The following POU2F2 variants were observed in gnomAD, a reference collection of about 807,000 sequenced individuals.
POU2F2 encodes POU class 2 homeobox 2.
A neutral mutation model predicts 63.5 loss-of-function variants in POU2F2; 14 were observed. The observed-to-expected ratio is 0.22, with a 90% CI of 0.15 to 0.34. The LOEUF is 0.34. Ranked by LOEUF, POU2F2 falls within the 10% of genes least tolerant of loss-of-function variation. The pLI is 1.00. For missense variants in POU2F2, 607 were observed against 815.2 expected, an observed-to-expected ratio of 0.74 and a Z score of 3.11; for synonymous variants, 306 against 348.6, an observed-to-expected ratio of 0.88 and a Z score of 1.36.
At chr19:42,168,376 C>T (rs2034694002) in intron 1 of POU2F2, among the ~76,000 whole-genome samples, 1 of 152,206 alleles carries the variant, frequency 6.6e-6, no homozygotes, top group South Asian at 2.1e-4. Context: ...ACAGTGCTTC[C>T]CAGTCATGTA....
At chr19:42,136,961 G>T (rs960128380), upstream of POU2F2, 1 of 152,192 alleles carries the variant, frequency 6.6e-6, no homozygotes, top group Non-Finnish European at 1.5e-5. Context: ...CCTGTGCTGG[G>T]AGCTGAGGAC....
upstream of POU2F2, chr19:42,133,527 GC>G (rs1329749737): frequency 6.5e-6 from 1 of 154,574 alleles, no homozygotes; most frequent in Non-Finnish European, 1.5e-5. The surrounding 1 kb of genome is among the most constrained non-coding windows in gnomAD (Gnocchi z 5.1). Flanking sequence ...GACATCCTGC[GC>G]CCCGTGGCTG....
In POU2F2 at chr19:42,092,049, TC is replaced by T. The variant is rs1378814678; in HGVS notation, c.1466+19del. On this transcript the variant is annotated intron_variant, in intron 13 of 14. Coordinates refer to ENST00000692977, the MANE Select transcript of POU2F2 (RefSeq NM_001394376.1). The surrounding 1 kb of genome is among the most constrained non-coding windows in gnomAD (Gnocchi z 5.0). Reference sequence around the variant, plus strand: ...AGCGACCCTGCTTCTCCCCACAGCTTCCCACGTGCACCCACTTACCCCGTGC... The same window carrying T: ...AGCGACCCTGCTTCTCCCCACAGCTTCCACGTGCACCCACTTACCCCGTGC... The T allele has an allele frequency of 2.5e-6, 4 of 1,587,200 alleles. No individual in the cohort carries two copies. The highest frequency in any genetic ancestry group is 3.4e-6 in the Non-Finnish European group (4 of 1,168,496).
intron 14 of POU2F2, 81 bp from the exon 15 acceptor site, chr19:42,091,672 G>A (rs1568968678): frequency 6.4e-7 from 1 of 1,550,742 alleles, no homozygotes; most frequent in Non-Finnish European, 8.7e-7. Context: ...TGCCCAGAGT[G>A]CCCCCCATCT....
At chr19:42,197,304 G>A (rs1417784864), upstream of POU2F2, among the ~76,000 whole-genome samples, 4 of 152,210 alleles carry the variant, frequency 2.6e-5, no homozygotes, top group Non-Finnish European at 5.9e-5. Flanking sequence ...CCACAGTGTG[G>A]CTGGGGGCTA....
chr19:42,171,678 G>A (rs371937697), intron 1 of POU2F2, among the ~76,000 whole-genome samples: 28 of 152,252 alleles, frequency 1.8e-4, no homozygotes, highest in Non-Finnish European at 2.6e-4. Context: ...TCACTGCGGC[G>A]GATTAAGTCT....
At chr19:42,174,789 C>T (rs1272116449) in intron 1 of POU2F2, among the ~76,000 whole-genome samples, 1 of 152,080 alleles carries the variant, frequency 6.6e-6, no homozygotes, top group Non-Finnish European at 1.5e-5. Flanking sequence ...CACACTGACT[C>T]TGTACCTTCC....
At chr19:42,094,169 G>A (rs2076835742) in intron 11 of POU2F2, among the ~76,000 whole-genome samples, 2 of 152,210 alleles carry the variant, frequency 1.3e-5, no homozygotes, top group Non-Finnish European at 2.9e-5. Context: ...CCTGTCTGAA[G>A]TGACTGCACC....
intron 4 of POU2F2, among the ~76,000 whole-genome samples, chr19:42,118,158 C>G (rs1330925903): frequency 6.6e-6 from 1 of 152,184 alleles, no homozygotes; most frequent in Non-Finnish European, 1.5e-5. Flanking sequence ...CTCCTAGGCT[C>G]AAGCGATCCT....
intron 4 of POU2F2, among the ~76,000 whole-genome samples, chr19:42,120,334 C>A (rs1427718971): frequency 6.6e-6 from 1 of 151,816 alleles, no homozygotes; most frequent in Non-Finnish European, 1.5e-5. Flanking sequence ...CTCCACAATG[C>A]CTCAGCCTCC....
At chr19:42,112,887 C>T (rs965428171) in intron 5 of POU2F2, among the ~76,000 whole-genome samples, 4 of 152,178 alleles carry the variant, frequency 2.6e-5, no homozygotes, top group African/African-American at 7.2e-5. Context: ...TCATCCATCC[C>T]TATTTGTGCG....
intron 1 of POU2F2, among the ~76,000 whole-genome samples, chr19:42,130,645 T>C (rs1357810959): frequency 2.6e-5 from 4 of 151,808 alleles, no homozygotes; most frequent in Non-Finnish European, 5.9e-5. Flanking sequence ...ATATACACAG[T>C]TGCATACACA....
At chr19:42,151,666 G>A (rs187926863) in intron 2 of POU2F2, among the ~76,000 whole-genome samples, 180 of 152,310 alleles carry the variant, frequency 1.2e-3, no homozygotes, top group Non-Finnish European at 2.2e-3. Flanking sequence ...CCAGGCCCAG[G>A]GTTCTCAGCG....
chr19:42,110,811 T>C, intron 5 of POU2F2: 1 of 451,410 alleles, frequency 2.2e-6, no homozygotes, highest in Non-Finnish European at 4.5e-6. Context: ...CTGATTCCTC[T>C]TCACTTAATT....
chr19:42,186,642 A>G (rs932211979), intron 1 of POU2F2, among the ~76,000 whole-genome samples: 16 of 152,250 alleles, frequency 1.1e-4, no homozygotes, highest in Admixed American at 5.9e-4. Flanking sequence ...GAAAGCAGGA[A>G]AAACCAGGAA....
intron 2 of POU2F2, among the ~76,000 whole-genome samples, chr19:42,140,354 G>T (rs2034102576): frequency 6.6e-6 from 1 of 152,222 alleles, no homozygotes; most frequent in Non-Finnish European, 1.5e-5. Flanking sequence ...AGGCTGAAAA[G>T]CAAGAGCCCA....
intron 1 of POU2F2, among the ~76,000 whole-genome samples, chr19:42,187,071 T>C (rs1430119421): frequency 1.3e-5 from 2 of 152,128 alleles, no homozygotes; most frequent in Non-Finnish European, 2.9e-5. Context: ...ATAGAGTTGA[T>C]AGCTGAAATC....
Position 42,153,539 on chromosome 19 carries a change from G to A in POU2F2, c.-9+6793C>T, listed in dbSNP as rs1268609650. ...GTGCGTGAGCCTCCATGGGTCCCGT[G>A]TGGATCTGTGCCTGTGCCTGTGGGC... On this transcript the variant is annotated intron_variant, in intron 2 of 6. Transcript: ENST00000524801. This position sits in a 1 kb window ranked among gnomAD's most constrained non-coding sequence, Gnocchi z 5.6. Among the ~76,000 whole-genome samples the A allele has an allele frequency of 6.6e-6, 1 of 152,176 alleles. No homozygotes were observed. Among genetic ancestry groups the A allele is most frequent in the African/African-American group, 2.4e-5 (1 of 41,418 alleles).
Position 42,195,783 on chromosome 19 carries a change from C to CT in POU2F2, c.-70+599dup, listed in dbSNP as rs1218789626. Among the ~76,000 whole-genome samples the CT allele has an allele frequency of 8.1e-3, 918 of 112,676 alleles. 15 individuals are homozygous for CT. Among genetic ancestry groups the CT allele is most frequent in the African/African-American group, 0.026 (811 of 31,200 alleles). 73.9% of individuals were successfully genotyped at this position (112,676 alleles called of 152,430 possible). ...CTTCCTCCCTCCCTCCCCTTCCTGT[C>CT]TTTTTTTTTTTTCTGAGACAGAGTC... On this transcript the variant is annotated intron_variant, in intron 1 of 5. Transcript: ENST00000532176.
Sources: gnomAD v4.1 joint callset for allele counts (sites outside exome capture counted in the v4.1 genomes callset) on GRCh38, gnomAD v4.1.1 for gene constraint, Gnocchi (gnomAD v3.1) non-coding constraint, MANE v1.5 for transcripts, NCBI Gene and HGNC (gene_info 2026-07-23, HGNC 2026-07-21) for gene names.